BCAS3: variants seen among roughly 807,000 people sequenced by gnomAD.
The protein encoded by BCAS3 is BCAS4/BCAS3 fusion.
BCAS3 carries 53 observed loss-of-function variants against 116.1 expected under a neutral mutation model. That is an observed-to-expected ratio of 0.46 (90% CI 0.37 to 0.57). The LOEUF is 0.57. Ranked by LOEUF, BCAS3 falls within the 20% of genes least tolerant of loss-of-function variation. The pLI is 0.00. For missense variants in BCAS3, 917 were observed against 1,165.4 expected (o/e 0.79, Z 3.10); for synonymous variants, 391 against 408.2 (o/e 0.96, Z 0.51).
chr17:60,960,884 A>G lies in BCAS3; in HGVS notation c.1221+13532A>G, dbSNP rs77016112. On this transcript the variant is annotated intron_variant, in intron 14 of 23. Coordinates refer to ENST00000407086, the MANE Select transcript of BCAS3 (RefSeq NM_017679.5). This position sits in a 1 kb window ranked among gnomAD's most constrained non-coding sequence, Gnocchi z 4.1. ...ACCTTGTGTATCTCCTGTGTATGTC[A>G]TGGGGATCCATGCCATCAGACAAGA... Among the ~76,000 whole-genome samples, 1 of 150,964 alleles carries G rather than the reference A, an allele frequency of 6.6e-6. No individual in the cohort carries two copies. Among genetic ancestry groups the G allele is most frequent in the South Asian group, 2.1e-4 (1 of 4,802 alleles).
chr17:60,786,779 T>A (rs1231707354), intron 6 of BCAS3, among the ~76,000 whole-genome samples: 1 of 152,134 alleles, frequency 6.6e-6, no homozygotes, highest in Non-Finnish European at 1.5e-5. Flanking sequence ...TACTTGTTTT[T>A]CAGTTAACAT....
chr17:61,081,524 T>C (rs766769045), intron 21 of BCAS3, among the ~76,000 whole-genome samples: 10 of 152,250 alleles, frequency 6.6e-5, no homozygotes, highest in Non-Finnish European at 1.3e-4. Flanking sequence ...TAGAATATTA[T>C]CCTGTTTACA....
At chr17:61,335,416 T>G (rs1222478897) in intron 22 of BCAS3, among the ~76,000 whole-genome samples, 2 of 152,224 alleles carry the variant, frequency 1.3e-5, no homozygotes, top group Non-Finnish European at 2.9e-5. Flanking sequence ...GGTCTGGGCC[T>G]TTTTTCCAGT....
rs1398086966 is a variant in BCAS3 at position 61,352,910 on chromosome 17, T to C, written c.2426-15417T>C. ...TGCTAGCGGGAGGTATGAATTTCTCTTGTTTGCTTTAATGGAGTGTTAACC... is the reference window on the plus strand; with the variant it reads ...TGCTAGCGGGAGGTATGAATTTCTCCTGTTTGCTTTAATGGAGTGTTAACC... On this transcript the variant is annotated intron_variant, in intron 22 of 23. Coordinates refer to ENST00000407086, the MANE Select transcript of BCAS3 (RefSeq NM_017679.5). The surrounding 1 kb of genome is among the most constrained non-coding windows in gnomAD (Gnocchi z 4.7). Among the ~76,000 whole-genome samples, 1 of 152,180 alleles carries C rather than the reference T, an allele frequency of 6.6e-6. No homozygotes were observed. The highest frequency in any genetic ancestry group is 1.5e-5 in the Non-Finnish European group (1 of 68,034).
At chr17:61,247,518 A>G (rs150108537) in intron 22 of BCAS3, among the ~76,000 whole-genome samples, 4 of 152,306 alleles carry the variant, frequency 2.6e-5, no homozygotes, top group African/African-American at 9.6e-5. Context: ...AAAGTAAAAT[A>G]AAATGTTCTT....
chr17:61,084,579 C>A lies in BCAS3; in HGVS notation c.2425+15C>A. The A allele has an allele frequency of 6.3e-7, 1 of 1,590,034 alleles. No homozygotes were observed. ...TGCTGCCTCAGGTAGAAAACCACCTCTGAAATATTTATTGGGCAGTCCTGT... is the reference window on the plus strand; with the variant it reads ...TGCTGCCTCAGGTAGAAAACCACCTATGAAATATTTATTGGGCAGTCCTGT... On this transcript the variant is annotated intron_variant, in intron 22 of 23. Transcript: ENST00000407086. The surrounding 1 kb of genome is among the most constrained non-coding windows in gnomAD (Gnocchi z 5.5).
At chr17:61,152,218 T>A (rs913821183) in intron 22 of BCAS3, among the ~76,000 whole-genome samples, 1 of 152,146 alleles carries the variant, frequency 6.6e-6, no homozygotes, top group African/African-American at 2.4e-5. Context: ...CTGGCTGGGG[T>A]GGCCAGCTTT....
intron 7 of BCAS3, among the ~76,000 whole-genome samples, chr17:60,840,109 T>C (rs2051758162): frequency 6.6e-6 from 1 of 150,846 alleles, no homozygotes; most frequent in African/African-American, 2.4e-5. Context: ...TCTAAGAAAA[T>C]ACCCAAATGT....
In BCAS3 at chr17:61,105,488, G is replaced by A. The variant is rs545056556; in HGVS notation, c.2425+20924G>A. Among the ~76,000 whole-genome samples the A allele has an allele frequency of 5.9e-5, 9 of 152,254 alleles. No individual in the cohort carries two copies. Among genetic ancestry groups the A allele is most frequent in the East Asian group, 3.9e-4 (2 of 5,182 alleles). On this transcript the variant is annotated intron_variant, in intron 22 of 23. Transcript: ENST00000407086. This position sits in a 1 kb window ranked among gnomAD's most constrained non-coding sequence, Gnocchi z 4.3. ...TGCCCAGGCTGCAGTGCAATGGCGCGACCTTGGCTCAAAGCAAGCTCTGTC... is the reference window on the plus strand; with the variant it reads ...TGCCCAGGCTGCAGTGCAATGGCGCAACCTTGGCTCAAAGCAAGCTCTGTC...
At chr17:60,805,506 T>C (rs1211634824) in intron 6 of BCAS3, among the ~76,000 whole-genome samples, 1 of 152,170 alleles carries the variant, frequency 6.6e-6, no homozygotes, top group East Asian at 1.9e-4. Flanking sequence ...TACATGTGCA[T>C]GTGTGTCCGA....
At chr17:61,031,239 A>G (rs537035004) in intron 16 of BCAS3, among the ~76,000 whole-genome samples, 62 of 152,214 alleles carry the variant, frequency 4.1e-4, no homozygotes, top group African/African-American at 1.4e-3. Context: ...AGCAATCTGT[A>G]AATTTACATA....
intron 17 of BCAS3, among the ~76,000 whole-genome samples, chr17:61,035,252 A>C (rs1451841526): frequency 6.6e-6 from 1 of 152,132 alleles, no homozygotes; most frequent in Non-Finnish European, 1.5e-5. Flanking sequence ...TCTAATGCTA[A>C]AAATCTTCAC....
At chr17:60,736,409 C>T (rs907770527) in intron 5 of BCAS3, among the ~76,000 whole-genome samples, 2 of 151,790 alleles carry the variant, frequency 1.3e-5, no homozygotes, top group African/African-American at 2.4e-5. Flanking sequence ...TGGTCTCAAA[C>T]TCCTGGCTTC....
intron 22 of BCAS3, among the ~76,000 whole-genome samples, chr17:61,341,783 G>A (rs775173006): frequency 5.3e-5 from 8 of 152,194 alleles, no homozygotes; most frequent in African/African-American, 9.7e-5. Flanking sequence ...GCAATCATCC[G>A]GCCTTTTCTC....
intron 6 of BCAS3, among the ~76,000 whole-genome samples, chr17:60,800,605 T>TA (rs1360574752): frequency 6.6e-6 from 1 of 152,216 alleles, no homozygotes; most frequent in African/African-American, 2.4e-5. Context: ...TAAATCCAAT[T>TA]AATTGATTTT....
rs372239679 is a variant in BCAS3, at chr17:61,190,996, A to G, written c.2425+106432A>G. 2.8e-4 allele frequency among the ~76,000 whole-genome samples: 42 copies of G among 152,188 alleles called. No individual in the cohort carries two copies. In the East Asian group the frequency reaches 6.4e-3, roughly 23 times the overall value. On this transcript the variant is annotated intron_variant, in intron 22 of 23. Transcript: ENST00000407086. Reference sequence around the variant, plus strand: ...TGAGGCAGGATGATTGCTTGAGCCCAGGAGTTTGAGGTTACAATGAGCTAT... The same window carrying G: ...TGAGGCAGGATGATTGCTTGAGCCCGGGAGTTTGAGGTTACAATGAGCTAT...
chr17:60,978,715 A>G (rs1433919898), intron 14 of BCAS3, among the ~76,000 whole-genome samples: 1 of 151,954 alleles, frequency 6.6e-6, no homozygotes, highest in Non-Finnish European at 1.5e-5. Flanking sequence ...TCAGCTTTCT[A>G]CATATGGCTA....
chr17:61,384,619 G>C (rs779503299), intron 23 of BCAS3: 2 of 152,256 alleles, frequency 1.3e-5, no homozygotes, highest in African/African-American at 2.4e-5. Context: ...ACATCTGGCC[G>C]ATCCTGAGCA....
At chr17:61,069,921 C>T (rs1252219161) in intron 19 of BCAS3, 1 of 1,533,164 alleles carries the variant, frequency 6.5e-7, no homozygotes, top group Non-Finnish European at 8.9e-7. Flanking sequence ...AAGCCGAAGC[C>T]AAAGCGAAGG....
Sources: allele counts gnomAD v4.1 joint callset (sites outside exome capture counted in the v4.1 genomes callset), GRCh38; gene constraint gnomAD v4.1.1; non-coding constraint Gnocchi (gnomAD v3.1); transcripts MANE v1.5; gene names NCBI Gene and HGNC (gene_info 2026-07-23, HGNC 2026-07-21).